Variants in FAM3B observed in about 807,000 individuals in gnomAD.
The protein encoded by FAM3B is FAM3 metabolism regulating signaling molecule B, also known as protein FAM3B.
A neutral mutation model predicts 28.4 loss-of-function variants in FAM3B; 29 were observed. That is an observed-to-expected ratio of 1.02 (90% CI 0.76 to 1.39). The LOEUF (loss-of-function observed/expected upper bound fraction) is 1.39. Among genes scored for constraint, FAM3B ranks in the 40% most tolerant of loss-of-function variants. The pLI is 0.00. For missense variants in FAM3B, 266 were observed against 293.9 expected (o/e 0.91, Z 0.69); for synonymous variants, 91 against 103.0 (o/e 0.88, Z 0.71).
chr21:41,321,381 G>A (rs1284952717), intron 1 of FAM3B, among the ~76,000 whole-genome samples: 3 of 152,216 alleles, frequency 2.0e-5, no homozygotes, highest in Admixed American at 6.6e-5. Context: ...GAGTGAGCCC[G>A]GGAGTGCAGC....
At chr21:41,317,233 C>G in intron 1 of FAM3B, among the ~76,000 whole-genome samples, 1 of 152,064 alleles carries the variant, frequency 6.6e-6, no homozygotes, top group East Asian at 1.9e-4. Flanking sequence ...TGGTGGGGAG[C>G]GCAGGCACAG....
chr21:41,316,671 A>C, upstream of FAM3B: 1 of 398,844 alleles, frequency 2.5e-6, no homozygotes, highest in Non-Finnish European at 4.4e-6. Context: ...AGCCCGGGGC[A>C]CAGCCCCGCG....
chr21:41,323,666 TC>T, intron 2 of FAM3B, among the ~76,000 whole-genome samples: 1 of 152,234 alleles, frequency 6.6e-6, no homozygotes, highest in South Asian at 2.1e-4. Flanking sequence ...GCCCACGAGG[TC>T]CCTGCCCCTT....
intron 2 of FAM3B, among the ~76,000 whole-genome samples, chr21:41,330,750 G>A (rs58609757): frequency 0.097 from 14,776 of 152,232 alleles, 711 homozygotes; most frequent in Admixed American, 0.11. Context: ...GTTCATCTAC[G>A]TTGTCACAAA....
At chr21:41,354,214 T>C (rs1346724703) in intron 7 of FAM3B, among the ~76,000 whole-genome samples, 1 of 145,700 alleles carries the variant, frequency 6.9e-6, no homozygotes, top group Non-Finnish European at 1.5e-5. Flanking sequence ...TCAACCTTTG[T>C]TGAAGACATG....
intron 1 of FAM3B, among the ~76,000 whole-genome samples, chr21:41,306,701 T>C (rs1256350786): frequency 6.6e-6 from 1 of 152,220 alleles, no homozygotes; most frequent in East Asian, 1.9e-4. Context: ...GGCTGTCATC[T>C]AGGCTTTGTT....
intron 7 of FAM3B, among the ~76,000 whole-genome samples, chr21:41,351,422 C>T (rs1192678624): frequency 6.6e-6 from 1 of 152,270 alleles, no homozygotes; most frequent in African/African-American, 2.4e-5. Flanking sequence ...ACACAGCAAG[C>T]AGTCAGTGCT....
chr21:41,323,164 C>A, intron 2 of FAM3B, 98 bp downstream of exon 2: 3 of 1,501,494 alleles, frequency 2.0e-6, no homozygotes, highest in Admixed American at 3.6e-5. Flanking sequence ...GGGGCCCTGA[C>A]GGCTTTATAT....
At chr21:41,342,263 C>T (rs576910369) in intron 3 of FAM3B, among the ~76,000 whole-genome samples, 51 of 152,300 alleles carry the variant, frequency 3.3e-4, no homozygotes, top group Non-Finnish European at 1.8e-4. Flanking sequence ...CCCTCGTCCC[C>T]GTCACCTTAG....
upstream of FAM3B, among the ~76,000 whole-genome samples, chr21:41,314,033 A>C (rs1009421712): frequency 4.6e-5 from 7 of 152,210 alleles, no homozygotes; most frequent in Non-Finnish European, 8.8e-5. Context: ...TCATAGGTTG[A>C]AGCCCTAATC....
chr21:41,351,808 C>G (rs1257845939), intron 7 of FAM3B, among the ~76,000 whole-genome samples: 1 of 152,180 alleles, frequency 6.6e-6, no homozygotes, highest in East Asian at 1.9e-4. Flanking sequence ...TAAGGAACTT[C>G]AAAGATTATT....
chr21:41,348,865 C>A, intron 7 of FAM3B, 141 bp downstream of exon 7: 2 of 919,438 alleles, frequency 2.2e-6, no homozygotes, highest in South Asian at 1.7e-5. Context: ...GCATTAGATC[C>A]GGACAGAAGT....
chr21:41,315,888 TGA>T (rs1042326143), upstream of FAM3B, among the ~76,000 whole-genome samples: 2 of 152,082 alleles, frequency 1.3e-5, no homozygotes, highest in Admixed American at 6.6e-5. Flanking sequence ...TTGGGCTTCT[TGA>T]GAGAGCAGAG....
intron 2 of FAM3B, among the ~76,000 whole-genome samples, chr21:41,324,156 C>T (rs1460587528): frequency 6.6e-6 from 1 of 152,202 alleles, no homozygotes; most frequent in African/African-American, 2.4e-5. Flanking sequence ...CAGGGGGACA[C>T]ATTCAGTCCA....
intron 1 of FAM3B, chr21:41,320,868 G>A (rs2088797124): frequency 6.6e-6 from 1 of 152,204 alleles, no homozygotes; most frequent in Admixed American, 6.6e-5. Flanking sequence ...GAGGACACTT[G>A]GCTTATTTAT....
At chr21:41,306,568 G>A (rs2088684195) in intron 1 of FAM3B, among the ~76,000 whole-genome samples, 1 of 152,208 alleles carries the variant, frequency 6.6e-6, no homozygotes, top group African/African-American at 2.4e-5. Context: ...CTCCATCAGA[G>A]CTCTTGGGTG....
intron 1 of FAM3B, among the ~76,000 whole-genome samples, chr21:41,311,001 A>G (rs1238511029): frequency 6.6e-6 from 1 of 151,748 alleles, no homozygotes; most frequent in African/African-American, 2.4e-5. Context: ...GATTGACACC[A>G]AGTCTGACTC....
At position 41,318,041 on chromosome 21, in the gene FAM3B, C is replaced by G. The variant is rs549012387; in HGVS notation, c.19+1143C>G. Among the ~76,000 whole-genome samples, 384 of 152,116 alleles carry G rather than the reference C, an allele frequency of 2.5e-3. 3 individuals are homozygous for G. Among genetic ancestry groups the G allele is most frequent in the Non-Finnish European group, 1.5e-3 (102 of 68,002 alleles). ...TTCTGTATTGTATAATTATTATTTC[C>G]TGGTGACTTATGGACAATACTGAAT... On this transcript the variant is annotated intron_variant, in intron 1 of 7. Coordinates refer to ENST00000357985, the MANE Select transcript of FAM3B (RefSeq NM_058186.4).
chr21:41,356,027 G>GA (rs1490418266), intron 7 of FAM3B, among the ~76,000 whole-genome samples: 4 of 129,082 alleles, frequency 3.1e-5, no homozygotes. Flanking sequence ...AAGGACTCTG[G>GA]GAAAAAAATA....
Sources: allele counts gnomAD v4.1 joint callset (sites outside exome capture counted in the v4.1 genomes callset), GRCh38; gene constraint gnomAD v4.1.1; transcripts MANE v1.5; gene names NCBI Gene and HGNC (gene_info 2026-07-23, HGNC 2026-07-21).